AIF1L: variants seen among roughly 807,000 people sequenced by gnomAD.
AIF1L encodes the protein allograft inflammatory factor 1-like.
AIF1L carries 12 observed loss-of-function variants against 20.7 expected under a neutral mutation model. The ratio of observed to expected loss-of-function variants is 0.58; its 90% confidence interval spans 0.37 to 0.94. AIF1L has a LOEUF of 0.94. AIF1L is among the 40% of genes least tolerant of loss of function. The pLI is 0.01. For missense variants in AIF1L, 173 were observed against 185.3 expected (o/e 0.93, Z 0.39); for synonymous variants, 76 against 65.1 (o/e 1.17, Z -0.81).
At chr9:131,105,327 C>A (rs989279772) in intron 2 of AIF1L, among the ~76,000 whole-genome samples, 6 of 152,232 alleles carry the variant, frequency 3.9e-5, no homozygotes, top group Admixed American at 1.3e-4. Context: ...CTGCCTCTCC[C>A]ACCCTGGTCA....
intron 3 of AIF1L, among the ~76,000 whole-genome samples, chr9:131,113,318 C>T (rs985607911): frequency 1.3e-5 from 2 of 151,624 alleles, no homozygotes. Flanking sequence ...GCCAACATGG[C>T]GAAACCCCAT....
chr9:131,116,282 G>C (rs1831011537), intron 4 of AIF1L, among the ~76,000 whole-genome samples: 1 of 151,802 alleles, frequency 6.6e-6, no homozygotes, highest in Non-Finnish European at 1.5e-5. Context: ...TTCTTTTTTT[G>C]AGACATAGTC....
At chr9:131,098,789 CAG>C (rs761473301) in intron 2 of AIF1L, among the ~76,000 whole-genome samples, 1 of 152,314 alleles carries the variant, frequency 6.6e-6, no homozygotes, top group East Asian at 1.9e-4. Flanking sequence ...GGACAGCGCC[CAG>C]AGAGGGCAAG....
In AIF1L at chr9:131,116,327, A is replaced by G. The variant is rs12235487; in HGVS notation, c.203-1429A>G. On this transcript the variant is annotated intron_variant, in intron 4 of 5. Coordinates refer to ENST00000247291, the MANE Select transcript of AIF1L (RefSeq NM_031426.4). ...TGCCCAGGCTGGAGTGCAGTGGCAC[A>G]ATCTTGGCTCACTGCATCCTCAGCC... Among the ~76,000 whole-genome samples the G allele has an allele frequency of 7.2e-5, 11 of 152,196 alleles. No individual in the cohort carries two copies. In the East Asian group the frequency reaches 2.1e-3, roughly 29 times the overall value.
chr9:131,107,017 C>T (rs912460089), intron 2 of AIF1L, among the ~76,000 whole-genome samples: 3 of 152,012 alleles, frequency 2.0e-5, no homozygotes, highest in East Asian at 1.9e-4. Context: ...TGCTTGAACT[C>T]GGGAGGGGGA....
chr9:131,105,564 T>G (rs1830728762), intron 2 of AIF1L, among the ~76,000 whole-genome samples: 1 of 152,022 alleles, frequency 6.6e-6, no homozygotes, highest in Non-Finnish European at 1.5e-5. Flanking sequence ...AGGCTGGTCT[T>G]GAACTCCTGA....
rs1470396412 is a variant in AIF1L at position 131,121,100 on chromosome 9, C to T, written c.*778C>T. The T allele has an allele frequency of 1.4e-6, 1 of 715,008 alleles. No homozygotes were observed. The highest frequency in any genetic ancestry group is 2.6e-6 in the Non-Finnish European group (1 of 384,004). 44.3% of individuals were successfully genotyped at this position (715,008 alleles called of 1,614,324 possible). A position where few individuals can be genotyped will look rare whatever the true frequency, so the allele number is the denominator to read the frequency against. On this transcript the variant is annotated 3_prime_UTR_variant, in exon 6 of 6. Coordinates refer to ENST00000247291, the MANE Select transcript of AIF1L (RefSeq NM_031426.4). ...GGGGAAAGGTCAGCTCAGTGCTGTT[C>T]CACCTTTTAGGGAGGTTACTGAGGG...
intron 2 of AIF1L, among the ~76,000 whole-genome samples, chr9:131,107,248 C>T (rs1349448758): frequency 2.0e-5 from 3 of 152,186 alleles, no homozygotes; most frequent in Non-Finnish European, 2.9e-5. Context: ...CCACTGCTGC[C>T]GTTCATGCTG....
At chr9:131,101,965 G>A (rs1324763698) in intron 2 of AIF1L, among the ~76,000 whole-genome samples, 1 of 152,086 alleles carries the variant, frequency 6.6e-6, no homozygotes, top group Non-Finnish European at 1.5e-5. Context: ...CACCCAGGCT[G>A]GAGTGCAGTG....
intron 2 of AIF1L, 89 bp from the exon 3 acceptor site, chr9:131,111,508 T>C: frequency 1.6e-6 from 2 of 1,217,092 alleles, no homozygotes; most frequent in South Asian, 1.3e-5. Flanking sequence ...GGTTACCCGA[T>C]AGGAGGGAAG....
chr9:131,107,787 T>A (rs1830784179), intron 2 of AIF1L: 1 of 152,162 alleles, frequency 6.6e-6, no homozygotes, highest in Admixed American at 6.5e-5. Context: ...AGTCTGGGAA[T>A]CACTGATCTA....
chr9:131,098,705 C>G (rs999669059), intron 2 of AIF1L, among the ~76,000 whole-genome samples: 3 of 152,202 alleles, frequency 2.0e-5, no homozygotes, highest in Non-Finnish European at 4.4e-5. Context: ...ACTTTAACAG[C>G]TGTCAGGGGC....
intron 2 of AIF1L, among the ~76,000 whole-genome samples, chr9:131,104,066 C>T (rs906926939): frequency 1.3e-5 from 2 of 152,274 alleles, no homozygotes; most frequent in East Asian, 1.9e-4. Flanking sequence ...ATGCTCTGGT[C>T]CCCGGGGACT....
chr9:131,100,147 A>G lies in AIF1L; in HGVS notation c.93+3284A>G, dbSNP rs1004497080. On this transcript the variant is annotated intron_variant, in intron 2 of 5. Coordinates refer to ENST00000247291, the MANE Select transcript of AIF1L (RefSeq NM_031426.4). ...AGCCTCTACCTCCCCAGCTCAAGCA[A>G]TCTTCCATCTCATCCTCTCAAGTAG... is the stretch of plus-strand genomic sequence containing the variant. Among the ~76,000 whole-genome samples the G allele has an allele frequency of 1.2e-4, 18 of 151,904 alleles. 1 individual carries two copies. Among genetic ancestry groups the G allele is most frequent in the Non-Finnish European group, 2.2e-4 (15 of 67,996 alleles).
chr9:131,117,242 A>G (rs2133407039), intron 4 of AIF1L, among the ~76,000 whole-genome samples: 1 of 152,282 alleles, frequency 6.6e-6, no homozygotes, highest in East Asian at 1.9e-4. Context: ...CGTGGGGAGA[A>G]GCCACCTGCC....
chr9:131,118,712 A>G (rs1395926292), intron 5 of AIF1L, among the ~76,000 whole-genome samples: 1 of 151,446 alleles, frequency 6.6e-6, no homozygotes, highest in African/African-American at 2.4e-5. Context: ...ACACCCAACT[A>G]ATTTTTGTAT....
intron 3 of AIF1L, chr9:131,112,502 T>G (rs1010028297): frequency 6.6e-6 from 1 of 152,302 alleles, no homozygotes; most frequent in Non-Finnish European, 1.5e-5. Context: ...CGTCGGCCTG[T>G]GTGAAGCACT....
intron 2 of AIF1L, chr9:131,107,881 G>T (rs949193652): frequency 2.0e-5 from 3 of 152,254 alleles, no homozygotes; most frequent in African/African-American, 7.2e-5. Context: ...AAAGTTAATT[G>T]TCCTCCTTTT....
At position 131,120,418 on chromosome 9, in the gene AIF1L, G is replaced by A; in HGVS notation, c.*96G>A. On this transcript the variant is annotated 3_prime_UTR_variant, in exon 6 of 6. Transcript: ENST00000247291. ...ACTGTGATCTCTCTCTCTCTCATTTGTTTGGTCATTGAGGGTTTGTTTGTG... is the reference window on the plus strand; with the variant it reads ...ACTGTGATCTCTCTCTCTCTCATTTATTTGGTCATTGAGGGTTTGTTTGTG... 1 of 1,028,114 alleles carries A rather than the reference G, an allele frequency of 9.7e-7. No individual in the cohort carries two copies. The allele number at this position is 1,028,114 out of a possible 1,614,324, so 63.7% of individuals were successfully genotyped here.
Sources: gnomAD v4.1 joint callset for allele counts (sites outside exome capture counted in the v4.1 genomes callset) on GRCh38, gnomAD v4.1.1 for gene constraint, MANE v1.5 for transcripts, NCBI Gene and HGNC (gene_info 2026-07-23, HGNC 2026-07-21) for gene names.